Variants in CELSR1 observed in about 807,000 individuals in gnomAD.
CELSR1 encodes the protein adhesion G protein-coupled receptor C1.
Under a neutral mutation model 249.1 loss-of-function variants are expected in CELSR1, and 110 were observed. That is an observed-to-expected ratio of 0.44 (90% CI 0.38 to 0.52). CELSR1 has a LOEUF of 0.52. CELSR1 is among the 20% of genes least tolerant of loss of function. CELSR1 has a pLI of 0.00. For missense variants in CELSR1, 4,109 were observed against 4,296.4 expected (o/e 0.96, Z 1.22); for synonymous variants, 2,113 against 1,900.0 (o/e 1.11, Z -2.92).
chr22:46,369,834 G>GTTTGGGGC, intron 25 of CELSR1, 30 bp from the exon 26 acceptor site: 1 of 1,599,446 alleles, frequency 6.3e-7, no homozygotes. Flanking sequence ...AGGGAAGGGT[G>GTTTGGGGC]AGGGCCACGT....
chr22:46,453,523 T>G (rs1387894273), intron 2 of CELSR1, among the ~76,000 whole-genome samples: 1 of 152,192 alleles, frequency 6.6e-6, no homozygotes, highest in Non-Finnish European at 1.5e-5. Context: ...ATCTGATAAG[T>G]GTAACCCCAC....
intron 25 of CELSR1, chr22:46,370,091 G>A (rs760024232): frequency 1.9e-6 from 1 of 527,144 alleles, no homozygotes; most frequent in Non-Finnish European, 3.7e-6. Context: ...GACCCTGGAG[G>A]GTGGCAGTGA....
chr22:46,534,536 C>T lies in CELSR1; in HGVS notation c.2635G>A (p.Glu879Lys), dbSNP rs1426251305. ...IPQKSDTTTL[E>K]ILILDANDNA... ...TCATTGGCATCGAGGATGAGGATCTCTAGGGTGGTGGTGTCTGATTTCTGC... is the reference window on the plus strand; with the variant it reads ...TCATTGGCATCGAGGATGAGGATCTTTAGGGTGGTGGTGTCTGATTTCTGC... The change falls in exon 1 of 35, where the codon GAG becomes AAG. Residue 879 changes from glutamate (E) to lysine (K), a missense_variant. Transcript: ENST00000674500. This position sits in a 1 kb window ranked among gnomAD's most constrained non-coding sequence, Gnocchi z 9.7. The T allele has an allele frequency of 5.0e-6, 8 of 1,613,440 alleles. No individual in the cohort carries two copies. The highest frequency in any genetic ancestry group is 6.8e-6 in the Non-Finnish European group (8 of 1,180,014).
At position 46,457,628 on chromosome 22, in the gene CELSR1, C is replaced by T. The variant is rs8139161; in HGVS notation, c.4183+6079G>A. ...GACGCTACCGTGATGACAAATCACCCGCTCACAGCGCGGACAGAGATGAGG... is the reference window on the plus strand; with the variant it reads ...GACGCTACCGTGATGACAAATCACCTGCTCACAGCGCGGACAGAGATGAGG... On this transcript the variant is annotated intron_variant, in intron 2 of 34. Transcript: ENST00000674500. 3.0e-3 allele frequency among the ~76,000 whole-genome samples: 462 copies of T among 152,324 alleles called. 1 individual carries two copies. Among genetic ancestry groups the T allele is most frequent in the African/African-American group, 9.9e-3 (413 of 41,576 alleles).
Position 46,390,474 on chromosome 22 carries a change from C to T in CELSR1, c.6263G>A (p.Arg2088Gln), listed in dbSNP as rs1302772854. ...CCAGCCCTTCTCCCCGCTGCAGTGT[C>T]GGACCGCATTTCCTGGGGAAGGAGA... ...CPKGSVGNAVRHCSGEKGWLP... is the reference protein window; with the variant it reads ...CPKGSVGNAVQHCSGEKGWLP... The change falls in exon 17 of 35, where the codon CGA (arginine) becomes CAA (glutamine). Residue 2088 changes from arginine to glutamine, a missense_variant. This residue lies in a region of CELSR1 where 1,805 missense variants were observed against 1,831.6 expected (regional missense o/e 0.99). Transcript: ENST00000674500. This position sits in a 1 kb window ranked among gnomAD's most constrained non-coding sequence, Gnocchi z 6.3. 4 of 1,613,676 alleles carry T rather than the reference C, an allele frequency of 2.5e-6. No homozygotes were observed. Among genetic ancestry groups the T allele is most frequent in the East Asian group, 4.5e-5 (2 of 44,890 alleles).
chr22:46,528,064 T>C (rs541542907), intron 1 of CELSR1, among the ~76,000 whole-genome samples: 15 of 146,288 alleles, frequency 1.0e-4, no homozygotes, highest in South Asian at 2.2e-4. Flanking sequence ...AATCATGCCA[T>C]TGCACTCCAG....
chr22:46,431,713 C>T (rs9626870), intron 5 of CELSR1, among the ~76,000 whole-genome samples: 3,521 of 152,294 alleles, frequency 0.023, 120 homozygotes, highest in African/African-American at 0.078. Flanking sequence ...CAGGTGAACG[C>T]GCTTCACACT....
intron 9 of CELSR1, among the ~76,000 whole-genome samples, chr22:46,404,057 A>AT (rs1257678902): frequency 6.6e-6 from 1 of 152,034 alleles, no homozygotes; most frequent in Non-Finnish European, 1.5e-5. Context: ...CTGAAACCAC[A>AT]TGGTATACAT....
At chr22:46,453,927 A>G (rs1405105726) in intron 2 of CELSR1, among the ~76,000 whole-genome samples, 1 of 152,214 alleles carries the variant, frequency 6.6e-6, no homozygotes, top group Non-Finnish European at 1.5e-5. Context: ...GTTGTTAGCA[A>G]AATAATGGAC....
chr22:46,465,515 T>C (rs1276111637), intron 1 of CELSR1, among the ~76,000 whole-genome samples: 1 of 152,062 alleles, frequency 6.6e-6, no homozygotes, highest in African/African-American at 2.4e-5. Context: ...GTCTGGGCCT[T>C]TGGAGGGTGA....
chr22:46,400,651 A>G (rs974687771), intron 9 of CELSR1, among the ~76,000 whole-genome samples: 2 of 151,992 alleles, frequency 1.3e-5, no homozygotes, highest in African/African-American at 4.8e-5. Context: ...CAAAATAATA[A>G]TCATCATTAG....
At position 46,493,666 on chromosome 22, in the gene CELSR1, G is replaced by A. The variant is rs566142286; in HGVS notation, c.3545-29321C>T. ...CACGTGTTGTGGCAGGGACCCAGTG[G>A]GAGGTAACTAAATTATGGGGGCAGG... On this transcript the variant is annotated intron_variant, in intron 1 of 34. Transcript: ENST00000674500. 7.6e-4 allele frequency among the ~76,000 whole-genome samples: 115 copies of A among 152,308 alleles called. 1 individual carries two copies. The highest frequency in any genetic ancestry group is 2.6e-3 in the African/African-American group (107 of 41,574).
rs1205447739 is a variant in CELSR1, at chr22:46,423,884, G to A, written c.4611+9509C>T. On this transcript the variant is annotated intron_variant, in intron 5 of 34. Coordinates refer to ENST00000674500, the MANE Select transcript of CELSR1 (RefSeq NM_001378328.1). The surrounding 1 kb of genome is among the most constrained non-coding windows in gnomAD (Gnocchi z 5.6). ...CAGCTACTTGGGAGGCTGAGGGCAG[G>A]AGAATGGCTTGAACTCAGGAGGCGG... 1.3e-5 allele frequency among the ~76,000 whole-genome samples: 2 copies of A among 152,044 alleles called. No homozygotes were observed. The highest frequency in any genetic ancestry group is 2.9e-5 in the Non-Finnish European group (2 of 68,020).
chr22:46,454,512 A>T lies in CELSR1; in HGVS notation c.4183+9195T>A, dbSNP rs1023988422. Among the ~76,000 whole-genome samples, 3 of 152,270 alleles carry T rather than the reference A, an allele frequency of 2.0e-5. No homozygotes were observed. Among genetic ancestry groups the T allele is most frequent in the African/African-American group, 7.2e-5 (3 of 41,564 alleles). Reference sequence around the variant, plus strand: ...CAGCACAGACTTCGAAGTCACGGGGAACGGCGTGTGCTTTAAACCACAGCG... The same window carrying T: ...CAGCACAGACTTCGAAGTCACGGGGTACGGCGTGTGCTTTAAACCACAGCG... On this transcript the variant is annotated intron_variant, in intron 2 of 34. Transcript: ENST00000674500. This position sits in a 1 kb window ranked among gnomAD's most constrained non-coding sequence, Gnocchi z 5.1.
intron 29 of CELSR1, 135 bp from the exon 30 acceptor site, chr22:46,366,615 C>T: frequency 2.7e-6 from 2 of 742,054 alleles, no homozygotes; most frequent in Non-Finnish European, 4.6e-6. Context: ...ACAGGAGGAG[C>T]TGGCCCCAAG....
chr22:46,364,406 G>A, intron 33 of CELSR1, 106 bp downstream of exon 33: 4 of 1,487,300 alleles, frequency 2.7e-6, no homozygotes, highest in African/African-American at 1.4e-5. Flanking sequence ...TTCTGCCCAG[G>A]CCCTGACTTG....
At position 46,427,405 on chromosome 22, in the gene CELSR1, C is replaced by T. The variant is rs549104926; in HGVS notation, c.4611+5988G>A. Among the ~76,000 whole-genome samples the T allele has an allele frequency of 7.9e-5, 12 of 152,168 alleles. No individual in the cohort carries two copies. Among genetic ancestry groups the T allele is most frequent in the Admixed American group, 1.3e-4 (2 of 15,270 alleles). On this transcript the variant is annotated intron_variant, in intron 5 of 34. Coordinates refer to ENST00000674500, the MANE Select transcript of CELSR1 (RefSeq NM_001378328.1). The surrounding 1 kb of genome is among the most constrained non-coding windows in gnomAD (Gnocchi z 4.2). Reference sequence around the variant, plus strand: ...TACAAAAATTAACCGGGTGTGGTGGCGCGCACCTGTAAACCCAGCTACTCA... The same window carrying T: ...TACAAAAATTAACCGGGTGTGGTGGTGCGCACCTGTAAACCCAGCTACTCA...
Position 46,395,626 on chromosome 22 carries a change from C to T in CELSR1, c.5843+979G>A, listed in dbSNP as rs1248163013. 2.6e-5 allele frequency among the ~76,000 whole-genome samples: 4 copies of T among 152,240 alleles called. No individual in the cohort carries two copies. Among genetic ancestry groups the T allele is most frequent in the Non-Finnish European group, 5.9e-5 (4 of 68,044 alleles). ...ACCAGCTCCAGGGCACAGGCTGCTTCCCACTCATGGGGTCACAGCCGGGAT... is the reference window on the plus strand; with the variant it reads ...ACCAGCTCCAGGGCACAGGCTGCTTTCCACTCATGGGGTCACAGCCGGGAT... On this transcript the variant is annotated intron_variant, in intron 13 of 34. Transcript: ENST00000674500. The surrounding 1 kb of genome is among the most constrained non-coding windows in gnomAD (Gnocchi z 5.5).
At chr22:46,400,729 A>C (rs1018035375) in intron 9 of CELSR1, among the ~76,000 whole-genome samples, 3 of 152,194 alleles carry the variant, frequency 2.0e-5, no homozygotes, top group African/African-American at 7.2e-5. Context: ...AGGCGGGTGG[A>C]TTGCTTGAGG....
Sources: gnomAD v4.1 joint callset for allele counts (sites outside exome capture counted in the v4.1 genomes callset) on GRCh38, gnomAD v4.1.1 for gene constraint, gnomAD v4.1.1 regional missense constraint, Gnocchi (gnomAD v3.1) non-coding constraint, MANE v1.5 for transcripts, NCBI Gene and HGNC (gene_info 2026-07-23, HGNC 2026-07-21) for gene names.